Variants in PRKCH observed in about 807,000 individuals in gnomAD.
PRKCH encodes protein kinase C eta type.
PRKCH carries 28 observed loss-of-function variants against 82.5 expected under a neutral mutation model. That is an observed-to-expected ratio of 0.34 (90% CI 0.25 to 0.47). PRKCH has a LOEUF of 0.47. PRKCH is among the 20% of genes least tolerant of loss of function. The pLI is 1.00. For synonymous variants in PRKCH, 322 were observed against 327.4 expected, an observed-to-expected ratio of 0.98 and a Z score of 0.18; for missense variants, 705 against 881.8, an observed-to-expected ratio of 0.80 and a Z score of 2.54.
intron 9 of PRKCH, among the ~76,000 whole-genome samples, chr14:61,478,638 A>G (rs553481389): frequency 2.6e-5 from 4 of 152,206 alleles, no homozygotes; most frequent in Non-Finnish European, 5.9e-5. Flanking sequence ...TGGGAGGCCG[A>G]GGTAGGATTG....
intron 13 of PRKCH, 44 bp downstream of exon 13, chr14:61,547,930 G>A: frequency 6.3e-7 from 1 of 1,596,728 alleles, no homozygotes; most frequent in Non-Finnish European, 8.6e-7. Context: ...TTCTTCAGAT[G>A]TCACAGCATT....
chr14:61,461,660 CAG>C (rs1257524534), intron 9 of PRKCH, among the ~76,000 whole-genome samples: 1 of 152,168 alleles, frequency 6.6e-6, no homozygotes, highest in Non-Finnish European at 1.5e-5. Flanking sequence ...TCATACCTAA[CAG>C]GGGAATTTGA....
intron 1 of PRKCH, among the ~76,000 whole-genome samples, chr14:61,235,032 C>A (rs575348983): frequency 6.6e-6 from 1 of 152,300 alleles, no homozygotes; most frequent in African/African-American, 2.4e-5. Context: ...TGTTATGGAC[C>A]CAAATGGCCC....
intron 10 of PRKCH, among the ~76,000 whole-genome samples, chr14:61,523,375 C>G (rs1490703146): frequency 2.0e-5 from 3 of 152,160 alleles, no homozygotes; most frequent in Non-Finnish European, 4.4e-5. Flanking sequence ...GTTCTTGTTT[C>G]AATTAAAGTC....
At chr14:61,265,615 C>A (rs894800360) in intron 1 of PRKCH, among the ~76,000 whole-genome samples, 2 of 152,254 alleles carry the variant, frequency 1.3e-5, no homozygotes, top group Non-Finnish European at 2.9e-5. Flanking sequence ...CAGTGCTTCT[C>A]TCTGTCACCC....
chr14:61,328,054 T>C (rs1395797416), intron 1 of PRKCH, among the ~76,000 whole-genome samples: 2 of 151,148 alleles, frequency 1.3e-5, no homozygotes, highest in Non-Finnish European at 3.0e-5. Context: ...ATCGAGACCA[T>C]CCTGGCTAAC....
At chr14:61,504,590 A>C (rs1309471348) in intron 10 of PRKCH, among the ~76,000 whole-genome samples, 1 of 152,202 alleles carries the variant, frequency 6.6e-6, no homozygotes, top group Non-Finnish European at 1.5e-5. Context: ...CAAACAAAAA[A>C]GGGTGTTTTT....
At chr14:61,317,802 CCTT>C (rs571427936), upstream of PRKCH, among the ~76,000 whole-genome samples, 8 of 152,066 alleles carry the variant, frequency 5.3e-5, no homozygotes, top group Non-Finnish European at 8.8e-5. Flanking sequence ...TGTCCTGGGT[CCTT>C]CTCTCAAGTT....
At chr14:61,362,100 G>A (rs2046231909) in intron 1 of PRKCH, among the ~76,000 whole-genome samples, 2 of 152,170 alleles carry the variant, frequency 1.3e-5, no homozygotes, top group African/African-American at 4.8e-5. Flanking sequence ...ACTTCGGGAG[G>A]CTGAAGCGGG....
intron 2 of PRKCH, among the ~76,000 whole-genome samples, chr14:61,396,046 C>T (rs983625147): frequency 8.2e-5 from 12 of 146,568 alleles, no homozygotes; most frequent in African/African-American, 3.0e-4. Flanking sequence ...TGCCACTGCA[C>T]TCCAGCTTGG....
intron 1 of PRKCH, among the ~76,000 whole-genome samples, chr14:61,268,916 C>T (rs568736010): frequency 6.6e-6 from 1 of 152,284 alleles, no homozygotes; most frequent in South Asian, 2.1e-4. Flanking sequence ...AGCTGTGAGT[C>T]AGTTTCATAC....
chr14:61,526,502 G>C (rs1457467415), intron 10 of PRKCH, among the ~76,000 whole-genome samples: 1 of 152,176 alleles, frequency 6.6e-6, no homozygotes, highest in East Asian at 1.9e-4. Flanking sequence ...GCATTTTCTA[G>C]TGGCCATTTT....
chr14:61,420,822 A>G lies in PRKCH; in HGVS notation c.428-22289A>G, dbSNP rs141688645. Among the ~76,000 whole-genome samples the G allele has an allele frequency of 2.3e-3, 350 of 152,258 alleles. 1 individual carries two copies. Among genetic ancestry groups the G allele is most frequent in the African/African-American group, 8.0e-3 (332 of 41,544 alleles). The stretch of plus-strand genomic sequence containing the variant: ...TTGCTTAGAGTTCCTTAAAGAGGCT[A>G]AGCGTCAGTTGCAATATCTCTCTAT... On this transcript the variant is annotated intron_variant, in intron 2 of 13. Transcript: ENST00000332981.
chr14:61,427,812 C>G lies in PRKCH; in HGVS notation c.428-15299C>G, dbSNP rs1253652427. The stretch of plus-strand genomic sequence containing the variant: ...TGTTACCCAGGCCGGTCTCAAACTC[C>G]TGGGCTCAAGTGATCCACCTGCCTC... On this transcript the variant is annotated intron_variant, in intron 2 of 13. Coordinates refer to ENST00000332981, the MANE Select transcript of PRKCH (RefSeq NM_006255.5). Among the ~76,000 whole-genome samples the G allele has an allele frequency of 5.9e-5, 9 of 152,104 alleles. No homozygotes were observed. In the East Asian group the frequency reaches 1.8e-3, roughly 30 times the overall value.
At chr14:61,538,214 C>A (rs1044768634) in intron 12 of PRKCH, among the ~76,000 whole-genome samples, 19 of 152,206 alleles carry the variant, frequency 1.2e-4, no homozygotes, top group African/African-American at 4.3e-4. Context: ...ATCAAAAGAT[C>A]CTTGAGTAAG....
chr14:61,300,624 G>A (rs1594898785), intron 1 of PRKCH, among the ~76,000 whole-genome samples: 1 of 152,234 alleles, frequency 6.6e-6, no homozygotes, highest in Non-Finnish European at 1.5e-5. Flanking sequence ...GGCAGATAGT[G>A]AGGGTAAGGA....
chr14:61,437,335 G>A (rs1594705184), intron 2 of PRKCH, among the ~76,000 whole-genome samples: 2 of 151,986 alleles, frequency 1.3e-5, no homozygotes, highest in South Asian at 2.1e-4. Context: ...TTACCTTCCC[G>A]GGATATATTT....
At chr14:61,441,091 A>G (rs890817713) in intron 2 of PRKCH, among the ~76,000 whole-genome samples, 4 of 23,666 alleles carry the variant, frequency 1.7e-4, no homozygotes, top group African/African-American at 3.0e-4. Flanking sequence ...GTAGAGAAGG[A>G]GTTTCATTAT....
intron 1 of PRKCH, chr14:61,279,366 C>G (rs1441114739): frequency 6.6e-6 from 1 of 152,194 alleles, no homozygotes; most frequent in Non-Finnish European, 1.5e-5. Flanking sequence ...GTTGTCACTG[C>G]CCCTGGGAAC....
Sources: allele counts gnomAD v4.1 joint callset (sites outside exome capture counted in the v4.1 genomes callset), GRCh38; gene constraint gnomAD v4.1.1; transcripts MANE v1.5; gene names NCBI Gene and HGNC (gene_info 2026-07-23, HGNC 2026-07-21).